The following RELN variants were observed in gnomAD, a reference collection of about 807,000 sequenced individuals.
RELN encodes the protein reelin.
Under a neutral mutation model 427.6 loss-of-function variants are expected in RELN, and 108 were observed. The observed-to-expected ratio is 0.25, with a 90% CI of 0.22 to 0.30. The LOEUF (loss-of-function observed/expected upper bound fraction) is 0.30, where lower values mean the gene tolerates loss of function less well. RELN is among the 10% of genes least tolerant of loss of function. The pLI is 1.00. For synonymous variants in RELN, 1,524 were observed against 1,513.4 expected, an observed-to-expected ratio of 1.01 and a Z score of -0.16; for missense variants, 3,715 against 4,302.8, an observed-to-expected ratio of 0.86 and a Z score of 3.82.
In RELN at chr7:103,521,322, T is replaced by C. The variant is rs190808356; in HGVS notation, c.7668+700A>G. 3.5e-3 allele frequency among the ~76,000 whole-genome samples: 534 copies of C among 152,336 alleles called. 2 individuals carry two copies. Among genetic ancestry groups the C allele is most frequent in the South Asian group, 0.024 (116 of 4,832 alleles). On this transcript the variant is annotated intron_variant, in intron 48 of 64. Transcript: ENST00000428762. ...CATTAATTTGTCTATCTAATCATGG[T>C]ATACAAGAAATTGTATTTTAAACAG...
intron 3 of RELN, among the ~76,000 whole-genome samples, chr7:103,819,612 T>C (rs1422957758): frequency 1.3e-5 from 2 of 152,152 alleles, no homozygotes; most frequent in Non-Finnish European, 2.9e-5. Flanking sequence ...ATGAGCCATT[T>C]AGAAATCTTC....
intron 51 of RELN, among the ~76,000 whole-genome samples, chr7:103,508,866 G>A (rs1480602150): frequency 6.8e-6 from 1 of 146,308 alleles, no homozygotes; most frequent in East Asian, 2.1e-4. Context: ...CAATAACAGA[G>A]AGTCAAATCA....
rs983171737 is a variant in RELN at position 103,988,555 on chromosome 7, G to A, written c.226+576C>T. Among the ~76,000 whole-genome samples the A allele has an allele frequency of 6.6e-6, 1 of 152,192 alleles. No homozygotes were observed. Among genetic ancestry groups the A allele is most frequent in the African/African-American group, 2.4e-5 (1 of 41,440 alleles). The stretch of plus-strand genomic sequence containing the variant: ...ACACTTTCAAAAGAATAGGGAGCTG[G>A]AAGCAGCCGCTCCCTTTCAGGAGGG... On this transcript the variant is annotated intron_variant, in intron 1 of 64. Coordinates refer to ENST00000428762, the MANE Select transcript of RELN (RefSeq NM_005045.4). This position sits in a 1 kb window ranked among gnomAD's most constrained non-coding sequence, Gnocchi z 4.9.
intron 8 of RELN, among the ~76,000 whole-genome samples, chr7:103,711,629 A>G (rs1789804058): frequency 6.6e-6 from 1 of 152,118 alleles, no homozygotes. Flanking sequence ...AATCGATGAA[A>G]TGACTTTTAA....
chr7:103,980,392 G>C (rs1310554129), intron 1 of RELN, among the ~76,000 whole-genome samples: 1 of 151,996 alleles, frequency 6.6e-6, no homozygotes, highest in Non-Finnish European at 1.5e-5. Context: ...GCTTTGTTTA[G>C]CATAGATATC....
intron 16 of RELN, among the ~76,000 whole-genome samples, chr7:103,642,249 G>C (rs1378561784): frequency 6.6e-6 from 1 of 151,638 alleles, no homozygotes; most frequent in African/African-American, 2.4e-5. Context: ...CATGAAGGAA[G>C]ACTATACCTA....
chr7:103,713,626 G>A (rs532144349), intron 8 of RELN, among the ~76,000 whole-genome samples: 1 of 150,772 alleles, frequency 6.6e-6, no homozygotes, highest in South Asian at 2.1e-4. Flanking sequence ...GCAACATGAA[G>A]ATATTGGTAT....
chr7:103,532,798 C>T (rs978800411), intron 46 of RELN, among the ~76,000 whole-genome samples: 3 of 152,248 alleles, frequency 2.0e-5, no homozygotes, highest in African/African-American at 7.2e-5. Flanking sequence ...ATTCCTTGGC[C>T]TTCTTGACCA....
chr7:103,495,655 C>G, intron 57 of RELN, 68 bp downstream of exon 57: 1 of 1,411,204 alleles, frequency 7.1e-7, no homozygotes, highest in Non-Finnish European at 1.0e-6. Flanking sequence ...AGTTGTCTGA[C>G]TAACCATTCT....
intron 2 of RELN, among the ~76,000 whole-genome samples, chr7:103,914,008 A>T (rs927731946): frequency 1.3e-5 from 2 of 152,178 alleles, no homozygotes; most frequent in Non-Finnish European, 2.9e-5. Context: ...GTGTCTTTGG[A>T]CCATTAAACC....
intron 51 of RELN, among the ~76,000 whole-genome samples, chr7:103,504,143 G>A (rs1260945989): frequency 6.6e-6 from 1 of 152,130 alleles, no homozygotes; most frequent in African/African-American, 2.4e-5. Context: ...GGCAGAGGTT[G>A]CAGTGAACCA....
At chr7:103,885,318 G>A (rs973840568) in intron 2 of RELN, among the ~76,000 whole-genome samples, 52 of 147,920 alleles carry the variant, frequency 3.5e-4, no homozygotes, top group African/African-American at 5.8e-4. Flanking sequence ...CAGGCTGGGC[G>A]ACAGAGCAAG....
At chr7:103,776,456 C>G (rs1056501962) in intron 4 of RELN, 101 bp downstream of exon 4, 7 of 1,190,638 alleles carry the variant, frequency 5.9e-6, no homozygotes, top group Non-Finnish European at 5.0e-6. Context: ...TTAAAGCTTA[C>G]GATTAAGTAA....
At position 103,865,039 on chromosome 7, in the gene RELN, G is replaced by C. The variant is rs768478794; in HGVS notation, c.338-31367C>G. On this transcript the variant is annotated intron_variant, in intron 2 of 64. Transcript: ENST00000428762. Reference sequence around the variant, plus strand: ...CCAGCTACTGGGGAGGCTGAGGTAGGAGAATTGTTTGTTGAACCTGGAAGG... The same window carrying C: ...CCAGCTACTGGGGAGGCTGAGGTAGCAGAATTGTTTGTTGAACCTGGAAGG... 2.7e-3 allele frequency among the ~76,000 whole-genome samples: 403 copies of C among 149,356 alleles called. 3 individuals are homozygous for C. Among genetic ancestry groups the C allele is most frequent in the Middle Eastern group, 6.9e-3 (2 of 290 alleles).
At chr7:103,552,716 G>A (rs1830440693) in intron 40 of RELN, among the ~76,000 whole-genome samples, 1 of 151,772 alleles carries the variant, frequency 6.6e-6, no homozygotes, top group South Asian at 2.1e-4. Flanking sequence ...TGGTTAGGCT[G>A]GTCTTGAACT....
At chr7:103,746,352 T>C (rs1333256905) in intron 6 of RELN, among the ~76,000 whole-genome samples, 131 of 151,930 alleles carry the variant, frequency 8.6e-4, no homozygotes, top group African/African-American at 2.6e-3. Context: ...AGGACATAGG[T>C]ATGGGCAAGG....
chr7:103,506,917 A>G (rs934738496), intron 51 of RELN, among the ~76,000 whole-genome samples: 4 of 152,228 alleles, frequency 2.6e-5, no homozygotes, highest in African/African-American at 9.6e-5. Context: ...TTAAACCAAC[A>G]AAGGTCAAAA....
At chr7:103,894,964 T>C (rs1219708997) in intron 2 of RELN, among the ~76,000 whole-genome samples, 1 of 152,142 alleles carries the variant, frequency 6.6e-6, no homozygotes, top group Non-Finnish European at 1.5e-5. Context: ...GGCTCAACCA[T>C]GTAATCTTTA....
At chr7:103,850,547 G>A (rs1459851667) in intron 2 of RELN, among the ~76,000 whole-genome samples, 1 of 152,148 alleles carries the variant, frequency 6.6e-6, no homozygotes, top group African/African-American at 2.4e-5. Context: ...CAGGGAGAAG[G>A]AATTCTCTAG....
Sources: gnomAD v4.1 joint callset for allele counts (sites outside exome capture counted in the v4.1 genomes callset) on GRCh38, gnomAD v4.1.1 for gene constraint, Gnocchi (gnomAD v3.1) non-coding constraint, MANE v1.5 for transcripts, NCBI Gene and HGNC (gene_info 2026-07-23, HGNC 2026-07-21) for gene names.